The following DST variants were observed in gnomAD, a reference collection of about 807,000 sequenced individuals.
DST encodes the protein dystonin.
In DST, 253 loss-of-function variants were observed where a neutral mutation model predicts 875.2. That is an observed-to-expected ratio of 0.29 (90% confidence interval 0.26 to 0.32). The LOEUF is 0.32. DST is among the 10% of genes least tolerant of loss of function. The pLI is 1.00. For missense variants in DST, 8,287 were observed against 9,111.6 expected, an observed-to-expected ratio of 0.91 and a Z score of 3.68; for synonymous variants, 3,124 against 3,197.1, an observed-to-expected ratio of 0.98 and a Z score of 0.77.
intron 10 of DST, among the ~76,000 whole-genome samples, chr6:56,661,621 T>C (rs532842528): frequency 1.3e-5 from 2 of 151,856 alleles, no homozygotes; most frequent in Non-Finnish European, 2.9e-5. Flanking sequence ...AGTTTCACTC[T>C]TGTTGCCCAG....
In DST at chr6:56,557,305, T is replaced by C. The variant is rs372254497; in HGVS notation, c.14640+14A>G. 6.2e-7 allele frequency: 1 copy of C among 1,604,766 alleles called. No individual in the cohort carries two copies. The highest frequency in any genetic ancestry group is 8.5e-7 in the Non-Finnish European group (1 of 1,177,082). On this transcript the variant is annotated intron_variant, in intron 59 of 103. Coordinates refer to ENST00000680361, the MANE Select transcript of DST (RefSeq NM_001374736.1). ...TTGCTATGCACGAGAGACAGGTTAT[T>C]AGGTAATACTCACCTGCACCTGCTG...
intron 5 of DST, among the ~76,000 whole-genome samples, chr6:56,712,090 C>CAAAAAAAAAAAAAAAAAAAAAA (rs34769867): frequency 1.9e-3 from 146 of 75,874 alleles, no homozygotes; most frequent in Non-Finnish European, 3.6e-3. Flanking sequence ...GACTCCGTCT[C>CAAAAAAAAAAAAAAAAAAAAAA]AAAAAAAAAA....
At chr6:56,764,078 C>A (rs1187130796) in intron 4 of DST, among the ~76,000 whole-genome samples, 3 of 142,700 alleles carry the variant, frequency 2.1e-5, no homozygotes, top group African/African-American at 8.0e-5. Flanking sequence ...CAGTCAAAAC[C>A]TTTTCCCAAA....
chr6:56,572,696 CCTAA>C (rs1362641686), intron 52 of DST, 47 bp downstream of exon 52: 2 of 1,376,888 alleles, frequency 1.5e-6, no homozygotes, highest in Non-Finnish European at 2.0e-6. Flanking sequence ...ATGAGTTTGC[CCTAA>C]CTATTAATCT....
intron 3 of DST, among the ~76,000 whole-genome samples, chr6:56,900,039 T>C (rs557540163): frequency 6.6e-6 from 1 of 152,202 alleles, no homozygotes; most frequent in South Asian, 2.1e-4. Context: ...CCCACCTTCC[T>C]TCACTGCTTC....
intron 4 of DST, among the ~76,000 whole-genome samples, chr6:56,822,023 GATT>G (rs1187038509): frequency 6.6e-6 from 1 of 152,070 alleles, no homozygotes; most frequent in Non-Finnish European, 1.5e-5. Flanking sequence ...AGACTTTGCG[GATT>G]ATAAGCCCAC....
chr6:56,688,259 T>A (rs2099201959), intron 9 of DST, among the ~76,000 whole-genome samples: 1 of 152,224 alleles, frequency 6.6e-6, no homozygotes, highest in Non-Finnish European at 1.5e-5. Flanking sequence ...ATGAATGACC[T>A]TCGTCTTCAA....
In DST at chr6:56,714,392, T is replaced by C. The variant is rs1009819919; in HGVS notation, c.688-10023A>G. 1.3e-5 allele frequency among the ~76,000 whole-genome samples: 2 copies of C among 152,268 alleles called. No individual in the cohort carries two copies. Among genetic ancestry groups the C allele is most frequent in the Admixed American group, 1.3e-4 (2 of 15,292 alleles). On this transcript the variant is annotated intron_variant, in intron 5 of 103. Transcript: ENST00000680361. This position sits in a 1 kb window ranked among gnomAD's most constrained non-coding sequence, Gnocchi z 4.5. ...ATAAGTCTGCCAAACTTTCAGATTCTAGTCTACTCAACAGAGATCTCCGGA... is the reference window on the plus strand; with the variant it reads ...ATAAGTCTGCCAAACTTTCAGATTCCAGTCTACTCAACAGAGATCTCCGGA...
chr6:56,750,492 A>G (rs2099584006), intron 4 of DST, among the ~76,000 whole-genome samples: 1 of 152,194 alleles, frequency 6.6e-6, no homozygotes, highest in South Asian at 2.1e-4. Flanking sequence ...TTTATTGCCT[A>G]CTATGAGAAG....
At chr6:56,786,018 A>G (rs2099704676) in intron 4 of DST, 1 of 152,232 alleles carries the variant, frequency 6.6e-6, no homozygotes, top group African/African-American at 2.4e-5. Flanking sequence ...TCATTGTATT[A>G]TAGTTAACTC....
rs2098759824 is a variant in DST at position 56,629,510 on chromosome 6, C to A, written c.4282-67G>T. ...ACTCACTGGGTAAATATATTATTTACCTAATTTTACAATTTATTTACAAAT... is the reference window on the plus strand; with the variant it reads ...ACTCACTGGGTAAATATATTATTTAACTAATTTTACAATTTATTTACAAAT... On this transcript the variant is annotated intron_variant, in intron 31 of 103. Coordinates refer to ENST00000680361, the MANE Select transcript of DST (RefSeq NM_001374736.1). The A allele has an allele frequency of 4.2e-6, 5 of 1,182,454 alleles. No homozygotes were observed. In the East Asian group the frequency reaches 1.2e-4, roughly 29 times the overall value. The allele number at this position is 1,182,454 out of a possible 1,614,324, so 73.2% of individuals were successfully genotyped here. A position where few individuals can be genotyped will look rare whatever the true frequency, so the allele number is the denominator to read the frequency against.
In DST at chr6:56,954,594, G is replaced by A; in HGVS notation, c.-7C>T. The A allele has an allele frequency of 7.4e-7, 1 of 1,348,828 alleles. No individual in the cohort carries two copies. The highest frequency in any genetic ancestry group is 9.9e-7 in the Non-Finnish European group (1 of 1,012,862). 83.6% of individuals were successfully genotyped at this position (1,348,828 alleles called of 1,614,324 possible). On this transcript the variant is annotated 5_prime_UTR_variant, in exon 1 of 104. Coordinates refer to ENST00000680361, the MANE Select transcript of DST (RefSeq NM_001374736.1). ...GGAAAGCCGCGGCGATCATGGTGCG[G>A]GCGAGGCGAGGGCGACTCGACGGCG...
At chr6:56,633,978 ATGG>A (rs1356823991) in intron 27 of DST, among the ~76,000 whole-genome samples, 151 bp downstream of exon 27, 8 of 152,198 alleles carry the variant, frequency 5.3e-5, no homozygotes, top group Admixed American at 1.3e-4. Context: ...CTTATATGCT[ATGG>A]GCATATAACA....
At chr6:56,792,690 G>GT (rs2099729568) in intron 4 of DST, among the ~76,000 whole-genome samples, 1 of 152,160 alleles carries the variant, frequency 6.6e-6, no homozygotes, top group Non-Finnish European at 1.5e-5. Context: ...TATCACTGCT[G>GT]TAATAATTTT....
At chr6:56,615,177 C>A in intron 36 of DST, 1 of 1,105,804 alleles carries the variant, frequency 9.0e-7, no homozygotes. Context: ...AATAAATGAT[C>A]ACTATTCAAT....
chr6:56,557,399 C>G lies in DST; in HGVS notation c.14560G>C (p.Glu4854Gln). The change falls in exon 59 of 104, where the codon GAA becomes CAA. Residue 4854 changes from glutamate (E) to glutamine (Q), a missense_variant. Physicochemically the swap from Glu to Gln is conservative, Grantham distance 29 (BLOSUM62 2). Transcript: ENST00000680361. ...VEAQLKQWLV[E>Q]KELMVSVLGP... is the part of the protein sequence containing the mutation. ...AGAACACTGACCATAAGTTCTTTTT[C>G]CACAAGCCACTGTTTCAATTGGGCC... 1 of 1,613,634 alleles carries G rather than the reference C, an allele frequency of 6.2e-7. No homozygotes were observed. Among genetic ancestry groups the G allele is most frequent in the Middle Eastern group, 1.6e-4 (1 of 6,062 alleles).
intron 10 of DST, among the ~76,000 whole-genome samples, chr6:56,657,982 T>C (rs2099018603): frequency 6.6e-6 from 1 of 152,064 alleles, no homozygotes; most frequent in Non-Finnish European, 1.5e-5. Flanking sequence ...GCCAGGCTGG[T>C]CTCGAACCCC....
chr6:56,746,811 G>A (rs1028165345), intron 4 of DST, among the ~76,000 whole-genome samples: 8 of 152,052 alleles, frequency 5.3e-5, no homozygotes, highest in East Asian at 1.9e-4. Flanking sequence ...TACATATTCC[G>A]GTGGACTCTA....
intron 5 of DST, among the ~76,000 whole-genome samples, chr6:56,726,684 C>T (rs557308776): frequency 2.0e-5 from 3 of 152,246 alleles, no homozygotes; most frequent in Admixed American, 6.5e-5. Context: ...AAGAAAGTCA[C>T]CATAAGTTTA....
Sources: allele counts gnomAD v4.1 joint callset (sites outside exome capture counted in the v4.1 genomes callset), GRCh38; gene constraint gnomAD v4.1.1; non-coding constraint Gnocchi (gnomAD v3.1); transcripts MANE v1.5; gene names NCBI Gene and HGNC (gene_info 2026-07-23, HGNC 2026-07-21).